The following OSBPL2 variants were observed in gnomAD, a reference collection of about 807,000 sequenced individuals.
OSBPL2 encodes the protein oxysterol-binding protein-related protein 2.
OSBPL2 carries 18 observed loss-of-function variants against 58.4 expected under a neutral mutation model. The ratio of observed to expected loss-of-function variants is 0.31; its 90% confidence interval spans 0.21 to 0.46. The LOEUF is 0.46. Ranked by LOEUF, OSBPL2 falls within the 20% of genes least tolerant of loss-of-function variation. OSBPL2 has a pLI of 1.00. For missense variants in OSBPL2, 461 were observed against 616.5 expected (o/e 0.75, Z 2.67); for synonymous variants, 221 against 234.1 (o/e 0.94, Z 0.51).
rs1983739014 is a variant in OSBPL2, at chr20:62,294,572, T to C, written c.*685T>C. 6.6e-6 allele frequency: 1 copy of C among 152,404 alleles called. No individual in the cohort carries two copies. Among genetic ancestry groups the C allele is most frequent in the Non-Finnish European group, 1.5e-5 (1 of 67,972 alleles). 9.4% of individuals were successfully genotyped at this position (152,404 alleles called of 1,614,324 possible). Reference sequence around the variant, plus strand: ...TACTGTCCAAAATGAAGCATCCCCGTGACAAACCAGAGTGGGCAGAAGCAT... The same window carrying C: ...TACTGTCCAAAATGAAGCATCCCCGCGACAAACCAGAGTGGGCAGAAGCAT... On this transcript the variant is annotated 3_prime_UTR_variant, in exon 14 of 14. Transcript: ENST00000313733.
At chr20:62,259,508 C>T (rs761700547) in intron 2 of OSBPL2, among the ~76,000 whole-genome samples, 8 of 152,270 alleles carry the variant, frequency 5.3e-5, no homozygotes, top group Admixed American at 4.6e-4. Context: ...GGTGCCTTTG[C>T]GTGCCACGAT....
At chr20:62,289,810 C>T (rs1321763937) in intron 12 of OSBPL2, among the ~76,000 whole-genome samples, 1 of 152,056 alleles carries the variant, frequency 6.6e-6, no homozygotes, top group Non-Finnish European at 1.5e-5. Context: ...GAGGCTGAGG[C>T]ATGAGAATCG....
intron 1 of OSBPL2, among the ~76,000 whole-genome samples, chr20:62,242,169 T>C (rs1057456923): frequency 6.6e-6 from 1 of 152,202 alleles, no homozygotes; most frequent in African/African-American, 2.4e-5. Context: ...TGTCCCGGCC[T>C]CTCAGGCTGC....
At chr20:62,285,006 A>C (rs1295398271) in intron 10 of OSBPL2, 1 of 152,202 alleles carries the variant, frequency 6.6e-6, no homozygotes. Context: ...TTATCTTAAG[A>C]CTAGTTGTTC....
At chr20:62,239,383 A>AAC (rs1979567228) in intron 1 of OSBPL2, among the ~76,000 whole-genome samples, 1 of 152,190 alleles carries the variant, frequency 6.6e-6, no homozygotes, top group Non-Finnish European at 1.5e-5. Context: ...CAAGACTGTT[A>AAC]GGTCGTCACA....
intron 6 of OSBPL2, among the ~76,000 whole-genome samples, chr20:62,274,624 C>T (rs1161006897): frequency 1.3e-5 from 2 of 152,232 alleles, no homozygotes; most frequent in Non-Finnish European, 2.9e-5. Flanking sequence ...AGAGCTCACT[C>T]TGGGAAGAAG....
intron 11 of OSBPL2, among the ~76,000 whole-genome samples, chr20:62,287,715 C>A (rs1369054948): frequency 6.6e-6 from 1 of 152,240 alleles, no homozygotes; most frequent in East Asian, 1.9e-4. Flanking sequence ...GCCTTGGCCT[C>A]CTGAGTTGCT....
Position 62,256,160 on chromosome 20 carries a change from G to C in OSBPL2, c.-25G>C. 2.5e-6 allele frequency: 4 copies of C among 1,613,212 alleles called. No individual in the cohort carries two copies. The highest frequency in any genetic ancestry group is 3.4e-6 in the Non-Finnish European group (4 of 1,179,330). Reference sequence around the variant, plus strand: ...ATTCAGTAGAAGAGCACATGTCAGGGGCAGTGGAGGCTGGCTGCTGAAGGA... The same window carrying C: ...ATTCAGTAGAAGAGCACATGTCAGGCGCAGTGGAGGCTGGCTGCTGAAGGA... On this transcript the variant is annotated 5_prime_UTR_variant, in exon 2 of 14. Transcript: ENST00000313733.
intron 2 of OSBPL2, among the ~76,000 whole-genome samples, chr20:62,257,286 C>T (rs748547690): frequency 3.9e-5 from 6 of 152,188 alleles, no homozygotes; most frequent in South Asian, 2.1e-4. Context: ...CCTGCTGGAG[C>T]GGGCTGATTG....
chr20:62,269,754 C>T lies in OSBPL2; in HGVS notation c.259-2371C>T, dbSNP rs185526224. On this transcript the variant is annotated intron_variant, in intron 4 of 13. Coordinates refer to ENST00000313733, the MANE Select transcript of OSBPL2 (RefSeq NM_144498.4). The surrounding 1 kb of genome is among the most constrained non-coding windows in gnomAD (Gnocchi z 4.2). The stretch of plus-strand genomic sequence containing the variant: ...CTTTCGGGGCTTCCTTCTTTCTCTG[C>T]CACGTGTTCTTGCAGTGCCGAGCTC... Among the ~76,000 whole-genome samples the T allele has an allele frequency of 6.6e-6, 1 of 152,370 alleles. No individual in the cohort carries two copies. The highest frequency in any genetic ancestry group is 1.9e-4 in the East Asian group (1 of 5,194).
chr20:62,272,190 G>A lies in OSBPL2; in HGVS notation c.324G>A (p.Thr108=), dbSNP rs139250568. ...NEPLSFLQRI[T]EYMEHVYLIH... is the part of the protein sequence containing the mutation. ...CTCTGAGCTTCTTGCAGCGGATCAC[G>A]GAGTACATGGAGCACGTGTACCTCA... The change falls in exon 5 of 14, where the codon ACG becomes ACA. Residue 108 remains threonine (T), a synonymous_variant. Coordinates refer to ENST00000313733, the MANE Select transcript of OSBPL2 (RefSeq NM_144498.4). 85 of 1,613,738 alleles carry A rather than the reference G, an allele frequency of 5.3e-5. No homozygotes were observed. The highest frequency in any genetic ancestry group is 7.1e-5 in the Non-Finnish European group (84 of 1,179,952).
rs146245040 is a variant in OSBPL2, at chr20:62,262,349, C to T, written c.183-1267C>T. Among the ~76,000 whole-genome samples, 330 of 152,336 alleles carry T rather than the reference C, an allele frequency of 2.2e-3. 2 individuals are homozygous for T. The highest frequency in any genetic ancestry group is 6.8e-3 in the African/African-American group (283 of 41,576). ...TTCAGGTCCTCGGGTGTGTCAGCTCCCTCTGCTCCCTTGGCCTGGGGCCTC... is the reference window on the plus strand; with the variant it reads ...TTCAGGTCCTCGGGTGTGTCAGCTCTCTCTGCTCCCTTGGCCTGGGGCCTC... On this transcript the variant is annotated intron_variant, in intron 3 of 13. Transcript: ENST00000313733.
intron 11 of OSBPL2, among the ~76,000 whole-genome samples, chr20:62,287,311 T>C (rs1478818867): frequency 2.6e-5 from 4 of 152,246 alleles, no homozygotes; most frequent in Non-Finnish European, 5.9e-5. Context: ...ATATAAAATT[T>C]ATGCAACTTA....
chr20:62,274,797 T>C (rs1193314910), intron 6 of OSBPL2, among the ~76,000 whole-genome samples: 1 of 152,246 alleles, frequency 6.6e-6, no homozygotes, highest in Non-Finnish European at 1.5e-5. Context: ...GCTGCTGGGC[T>C]GCACGCCTCC....
chr20:62,242,208 G>A (rs558998021), intron 1 of OSBPL2: 14 of 152,286 alleles, frequency 9.2e-5, no homozygotes, highest in African/African-American at 3.1e-4. Flanking sequence ...CACTGTGGAA[G>A]CGTGGTGGTG....
chr20:62,263,033 A>G (rs1452815147), intron 3 of OSBPL2, among the ~76,000 whole-genome samples: 1 of 152,014 alleles, frequency 6.6e-6, no homozygotes, highest in Non-Finnish European at 1.5e-5. Flanking sequence ...CCTGGTGGGG[A>G]GACCAGGGCC....
At position 62,251,865 on chromosome 20, in the gene OSBPL2, C is replaced by CTTTTTTTTTTTTTTTTTTTTTT. The variant is rs147891445; in HGVS notation, c.-128-4182_-128-4161dup. ...TCAAGCGTCATTTTAATTGGTATGCCTTTTTTTTTTTTTTTTTTTTTTTTT... is the reference window on the plus strand; with the variant it reads ...TCAAGCGTCATTTTAATTGGTATGCCTTTTTTTTTTTTTTTTTTTTTTTTTTTTTTTTTTTTTTTTTTTTTTT... On this transcript the variant is annotated intron_variant, in intron 1 of 13. Coordinates refer to ENST00000313733, the MANE Select transcript of OSBPL2 (RefSeq NM_144498.4). Among the ~76,000 whole-genome samples the CTTTTTTTTTTTTTTTTTTTTTT allele has an allele frequency of 2.2e-4, 9 of 41,770 alleles. 1 individual carries two copies. The highest frequency in any genetic ancestry group is 2.8e-4 in the Non-Finnish European group (7 of 25,258). The allele number at this position is 41,770 out of a possible 152,430, so 27.4% of individuals were successfully genotyped here.
In OSBPL2 at chr20:62,269,202, G is replaced by A. The variant is rs1039968199; in HGVS notation, c.259-2923G>A. Among the ~76,000 whole-genome samples, 3 of 152,168 alleles carry A rather than the reference G, an allele frequency of 2.0e-5. No individual in the cohort carries two copies. Among genetic ancestry groups the A allele is most frequent in the Non-Finnish European group, 4.4e-5 (3 of 68,040 alleles). Reference sequence around the variant, plus strand: ...CAGGCGTGAGCCATCTCGCCTGGCCGACTTCTGAATCTTTTAATGGCGCGG... The same window carrying A: ...CAGGCGTGAGCCATCTCGCCTGGCCAACTTCTGAATCTTTTAATGGCGCGG... On this transcript the variant is annotated intron_variant, in intron 4 of 13. Coordinates refer to ENST00000313733, the MANE Select transcript of OSBPL2 (RefSeq NM_144498.4). The surrounding 1 kb of genome is among the most constrained non-coding windows in gnomAD (Gnocchi z 4.2).
At chr20:62,274,437 G>A (rs559870134) in intron 6 of OSBPL2, among the ~76,000 whole-genome samples, 2 of 152,284 alleles carry the variant, frequency 1.3e-5, no homozygotes, top group South Asian at 2.1e-4. Flanking sequence ...CGTGGACCCC[G>A]TCATTCTCTT....
Sources: gnomAD v4.1 joint callset for allele counts (sites outside exome capture counted in the v4.1 genomes callset) on GRCh38, gnomAD v4.1.1 for gene constraint, Gnocchi (gnomAD v3.1) non-coding constraint, MANE v1.5 for transcripts, NCBI Gene and HGNC (gene_info 2026-07-23, HGNC 2026-07-21) for gene names.